Variants in CNBD1 observed in about 807,000 individuals in gnomAD.
CNBD1 encodes cyclic nucleotide-binding domain-containing protein 1.
CNBD1 carries 71 observed loss-of-function variants against 54.4 expected under a neutral mutation model. The observed-to-expected ratio is 1.30, with a 90% CI of 1.08 to 1.59. CNBD1 has a LOEUF of 1.59. Ranked by LOEUF, CNBD1 falls within the 40% of genes most tolerant of loss-of-function variation. The pLI is 0.00. For missense variants in CNBD1, 659 were observed against 518.0 expected, an observed-to-expected ratio of 1.27 and a Z score of -2.64; for synonymous variants, 182 against 170.7, an observed-to-expected ratio of 1.07 and a Z score of -0.51.
chr8:87,309,673 GA>G (rs1809224987), intron 8 of CNBD1, among the ~76,000 whole-genome samples: 1 of 151,978 alleles, frequency 6.6e-6, no homozygotes, highest in South Asian at 2.1e-4. Flanking sequence ...TTATACCTAT[GA>G]ATAACTATAT....
intron 3 of CNBD1, among the ~76,000 whole-genome samples, chr8:86,934,072 A>G (rs1156883010): frequency 6.6e-6 from 1 of 152,118 alleles, no homozygotes; most frequent in Non-Finnish European, 1.5e-5. Flanking sequence ...AATGCCTGAT[A>G]CCTTCTCCCT....
At chr8:87,377,048 C>A (rs1161261058) in intron 10 of CNBD1, among the ~76,000 whole-genome samples, 1 of 145,410 alleles carries the variant, frequency 6.9e-6, no homozygotes, top group Non-Finnish European at 1.5e-5. Flanking sequence ...TTAGAAAACT[C>A]CAATTTTTAT....
At chr8:87,186,046 A>G (rs12156274) in intron 4 of CNBD1, among the ~76,000 whole-genome samples, 35,997 of 151,984 alleles carry the variant, frequency 0.24, 4,466 homozygotes, top group African/African-American at 0.32. Flanking sequence ...CTGCAAAACA[A>G]TTATTTTGCA....
intron 4 of CNBD1, among the ~76,000 whole-genome samples, chr8:87,083,550 CCTG>C (rs1159985644): frequency 6.6e-6 from 1 of 151,992 alleles, no homozygotes; most frequent in Non-Finnish European, 1.5e-5. Context: ...ACCCTCTTCC[CCTG>C]CTTTTGACTT....
rs1264225629 is a variant in CNBD1 at position 87,326,258 on chromosome 8, T to C, written c.1043-25427T>C. 2.4e-5 allele frequency among the ~76,000 whole-genome samples: 3 copies of C among 122,880 alleles called. 1 individual carries two copies. The highest frequency in any genetic ancestry group is 5.5e-5 in the Non-Finnish European group (3 of 54,932). 80.6% of individuals were successfully genotyped at this position (122,880 alleles called of 152,430 possible). ...AACATTTTTTCCTTCATTTCAACTT[T>C]GGTGAATCTGACAATGATGTGTCTT... is the stretch of plus-strand genomic sequence containing the variant. On this transcript the variant is annotated intron_variant, in intron 8 of 10. Coordinates refer to ENST00000518476, the MANE Select transcript of CNBD1 (RefSeq NM_173538.3).
intron 10 of CNBD1, among the ~76,000 whole-genome samples, chr8:87,373,134 G>A (rs1810853441): frequency 6.6e-6 from 1 of 151,694 alleles, no homozygotes; most frequent in African/African-American, 2.4e-5. Flanking sequence ...TTTTTAAATT[G>A]GAAGTTGTGG....
intron 4 of CNBD1, among the ~76,000 whole-genome samples, chr8:87,173,603 T>C (rs1365738934): frequency 5.3e-5 from 8 of 152,134 alleles, no homozygotes; most frequent in African/African-American, 1.9e-4. Context: ...CAATATGTCA[T>C]ACCTGTAAGG....
chr8:87,097,407 G>C (rs1486628194), intron 4 of CNBD1, among the ~76,000 whole-genome samples: 4 of 152,162 alleles, frequency 2.6e-5, no homozygotes, highest in Non-Finnish European at 5.9e-5. Context: ...ATATCCAAGA[G>C]TGACTGACTC....
At chr8:87,132,534 A>G (rs1313955718) in intron 4 of CNBD1, among the ~76,000 whole-genome samples, 1 of 150,158 alleles carries the variant, frequency 6.7e-6, no homozygotes, top group Non-Finnish European at 1.5e-5. Context: ...GCTTGCTGAG[A>G]TTCTTAAAAC....
At chr8:86,940,932 A>G (rs908841335) in intron 4 of CNBD1, among the ~76,000 whole-genome samples, 4 of 152,222 alleles carry the variant, frequency 2.6e-5, no homozygotes, top group Non-Finnish European at 5.9e-5. Context: ...CCTAGGAACA[A>G]CAGGCTATAC....
chr8:87,159,166 AATTTCAAATCAGTG>A, intron 4 of CNBD1, among the ~76,000 whole-genome samples: 1 of 152,282 alleles, frequency 6.6e-6, no homozygotes, highest in Non-Finnish European at 1.5e-5. Flanking sequence ...GTTAATACTG[AATTTCAAATCAGTG>A]CAGAGTCAGT....
intron 4 of CNBD1, among the ~76,000 whole-genome samples, chr8:87,142,002 A>G (rs16897140): frequency 0.022 from 3,339 of 152,286 alleles, 128 homozygotes; most frequent in African/African-American, 0.074. Flanking sequence ...AACAGAATTC[A>G]TTGCATAAAA....
intron 8 of CNBD1, among the ~76,000 whole-genome samples, chr8:87,347,578 G>A (rs141465010): frequency 6.6e-6 from 1 of 151,982 alleles, no homozygotes; most frequent in Admixed American, 6.6e-5. Context: ...AGGATGAAAA[G>A]CTAGAAGGAG....
Position 87,324,974 on chromosome 8 carries a change from A to T in CNBD1, c.1043-26711A>T, listed in dbSNP as rs1339976103. Among the ~76,000 whole-genome samples, 2 of 105,260 alleles carry T rather than the reference A, an allele frequency of 1.9e-5. 1 individual carries two copies. Among genetic ancestry groups the T allele is most frequent in the Non-Finnish European group, 3.9e-5 (2 of 51,386 alleles). The allele number at this position is 105,260 out of a possible 152,430, so 69.1% of individuals were successfully genotyped here. ...AATTTCCCTCTACACACTGCTTTGAATGCGTCCCAGAGATTCTGGTATGTT... is the reference window on the plus strand; with the variant it reads ...AATTTCCCTCTACACACTGCTTTGATTGCGTCCCAGAGATTCTGGTATGTT... On this transcript the variant is annotated intron_variant, in intron 8 of 10. Coordinates refer to ENST00000518476, the MANE Select transcript of CNBD1 (RefSeq NM_173538.3).
At chr8:86,882,775 G>A (rs1808623689) in intron 1 of CNBD1, among the ~76,000 whole-genome samples, 2 of 152,106 alleles carry the variant, frequency 1.3e-5, no homozygotes, top group Admixed American at 1.3e-4. Flanking sequence ...CAACCTAAAT[G>A]CCCATCAATG....
intron 4 of CNBD1, among the ~76,000 whole-genome samples, chr8:87,006,298 A>C (rs1389028387): frequency 6.6e-6 from 1 of 152,176 alleles, no homozygotes; most frequent in Non-Finnish European, 1.5e-5. Flanking sequence ...GGAAGGTGAT[A>C]ATATTTCCAA....
At chr8:87,364,976 A>T (rs1810612431) in intron 10 of CNBD1, among the ~76,000 whole-genome samples, 1 of 152,092 alleles carries the variant, frequency 6.6e-6, no homozygotes, top group Non-Finnish European at 1.5e-5. Flanking sequence ...TCTTTATAAT[A>T]GAACTATTCA....
intron 4 of CNBD1, among the ~76,000 whole-genome samples, chr8:87,033,305 G>A (rs1402676138): frequency 3.3e-5 from 5 of 152,160 alleles, no homozygotes; most frequent in Non-Finnish European, 7.4e-5. Flanking sequence ...GGGGCAAGTA[G>A]ACCACTTCAG....
At chr8:86,912,945 GTAAAAA>G (rs1359605394) in intron 3 of CNBD1, among the ~76,000 whole-genome samples, 1 of 151,660 alleles carries the variant, frequency 6.6e-6, no homozygotes, top group Non-Finnish European at 1.5e-5. Flanking sequence ...AGCTTAAAAA[GTAAAAA>G]TAAAAATAAA....
Sources: allele counts gnomAD v4.1 joint callset (sites outside exome capture counted in the v4.1 genomes callset), GRCh38; gene constraint gnomAD v4.1.1; transcripts MANE v1.5; gene names NCBI Gene and HGNC (gene_info 2026-07-23, HGNC 2026-07-21).